Variants in PARP9 observed in about 807,000 individuals in gnomAD.
PARP9 encodes protein mono-ADP-ribosyltransferase PARP9.
In PARP9, 48 loss-of-function variants were observed where a neutral mutation model predicts 68.8. That is an observed-to-expected ratio of 0.70 (90% CI 0.55 to 0.89). The LOEUF (loss-of-function observed/expected upper bound fraction) is 0.89, where lower values mean the gene tolerates loss of function less well. Among genes scored for constraint, PARP9 ranks in the 40% least tolerant of loss-of-function variants. The pLI is 0.00. For synonymous variants in PARP9, 309 were observed against 333.8 expected (o/e 0.93, Z 0.81); for missense variants, 806 against 969.3 (o/e 0.83, Z 2.24).
chr3:122,536,503 A>C, intron 9 of PARP9, 161 bp from the exon 10 acceptor site: 1 of 1,273,464 alleles, frequency 7.9e-7, no homozygotes, highest in Non-Finnish European at 1.0e-6. Context: ...CCTCCCTCTA[A>C]TCCTCTCCTA....
At chr3:122,562,678 G>A (rs183342253) in intron 1 of PARP9, among the ~76,000 whole-genome samples, 5 of 152,210 alleles carry the variant, frequency 3.3e-5, no homozygotes, top group East Asian at 1.9e-4. Context: ...TTTTTTACAC[G>A]AAAGGTAGTA....
rs2077090850 is a variant in PARP9, at chr3:122,528,694, C to T, written c.2130G>A (p.Leu710=). 19 of 1,613,442 alleles carry T rather than the reference C, an allele frequency of 1.2e-5. No individual in the cohort carries two copies. The highest frequency in any genetic ancestry group is 1.6e-5 in the Non-Finnish European group (19 of 1,179,744). Residue 710 remains leucine, a synonymous_variant, in exon 11 of 11, where the codon CTG becomes CTA. Coordinates refer to ENST00000682323, the MANE Select transcript of PARP9 (RefSeq NM_001146105.2). The stretch of plus-strand genomic sequence containing the variant: ...CAGAGATTTTCTTGGCCTTCTCTGC[C>T]AGGTTTTTGAGGTTCTTGGTGAAGT... ...GIYFTKNLKN[L]AEKAKKISAA...
intron 1 of PARP9, among the ~76,000 whole-genome samples, chr3:122,562,550 A>G (rs1361014109): frequency 6.6e-6 from 1 of 152,190 alleles, no homozygotes; most frequent in African/African-American, 2.4e-5. Flanking sequence ...TATTGTTTGA[A>G]TAGGTATTAC....
Position 122,552,569 on chromosome 3 carries a change from T to G in PARP9, c.956A>C (p.Gln319Pro). The change falls in exon 5 of 11, where the codon CAA becomes CCA. Residue 319 changes from glutamine (Q) to proline (P), a missense_variant. Transcript: ENST00000682323. ...CGATTTCATTTCAACTCCTGCTTGT[T>G]GTAGAATTGACTTTGCCACAGGTCC... Reference protein sequence around the residue: ...TVGPVAKSILQQAGVEMKSEF... With the variant: ...TVGPVAKSILPQAGVEMKSEF... The G allele has an allele frequency of 1.2e-6, 2 of 1,614,122 alleles. No individual in the cohort carries two copies. Among genetic ancestry groups the G allele is most frequent in the Non-Finnish European group, 1.7e-6 (2 of 1,180,002 alleles).
intron 7 of PARP9, among the ~76,000 whole-genome samples, chr3:122,542,063 T>C (rs923395403): frequency 2.6e-5 from 4 of 152,198 alleles, no homozygotes; most frequent in African/African-American, 2.4e-5. Flanking sequence ...ATTGGAGGCA[T>C]ACTTTTTTTA....
chr3:122,543,565 C>T (rs890549214), intron 7 of PARP9, among the ~76,000 whole-genome samples: 3 of 152,158 alleles, frequency 2.0e-5, no homozygotes, highest in East Asian at 1.9e-4. Context: ...GCGTAAGCCA[C>T]GGTGCCCGGC....
Position 122,558,442 on chromosome 3 carries a change from T to G in PARP9, c.41A>C (p.Glu14Ala). ...SMVAGAAAYNEKSETGALGEN... is the reference protein window; with the variant it reads ...SMVAGAAAYNAKSETGALGEN... ...GAGCGAGGTAATCCTACCTGATTTTTCATTGTAAGCTGCTGCTCCGGCCAC... is the reference window on the plus strand; with the variant it reads ...GAGCGAGGTAATCCTACCTGATTTTGCATTGTAAGCTGCTGCTCCGGCCAC... Residue 14 changes from glutamate to alanine, a missense_variant, in exon 3 of 11, where the codon GAA (glutamate) becomes GCA (alanine). Physicochemically the swap from Glu to Ala is moderately radical, Grantham distance 107 (BLOSUM62 -1). This residue lies in a region of PARP9 where 126 missense variants were observed against 110.5 expected (regional missense o/e 1.14). Transcript: ENST00000682323. The G allele has an allele frequency of 1.2e-6, 2 of 1,614,144 alleles. No individual in the cohort carries two copies. Among genetic ancestry groups the G allele is most frequent in the South Asian group, 2.2e-5 (2 of 91,086 alleles).
chr3:122,544,855 C>T (rs1049344614), intron 7 of PARP9, among the ~76,000 whole-genome samples: 24 of 152,036 alleles, frequency 1.6e-4, no homozygotes, highest in African/African-American at 5.8e-4. Flanking sequence ...AGAAAATATG[C>T]TCGGCATCAA....
chr3:122,561,208 C>T (rs981569055), intron 1 of PARP9, among the ~76,000 whole-genome samples: 1 of 152,196 alleles, frequency 6.6e-6, no homozygotes, highest in Non-Finnish European at 1.5e-5. Flanking sequence ...CCTGTAACCA[C>T]AGCACTTTGG....
At chr3:122,558,531 C>A (rs370980280) in intron 2 of PARP9, 64 bp from the exon 3 acceptor site, 85 of 1,571,858 alleles carry the variant, frequency 5.4e-5, no homozygotes, top group Non-Finnish European at 7.0e-5. Context: ...TTACTGATAA[C>A]CAATACACCC....
chr3:122,554,269 T>G (rs1487134958), intron 4 of PARP9, among the ~76,000 whole-genome samples: 2 of 152,088 alleles, frequency 1.3e-5, no homozygotes, highest in African/African-American at 4.8e-5. Context: ...CATTCAAAAC[T>G]CATACCTTCT....
chr3:122,542,232 T>C (rs1026280003), intron 7 of PARP9, among the ~76,000 whole-genome samples: 1 of 147,866 alleles, frequency 6.8e-6, no homozygotes, highest in South Asian at 2.2e-4. Context: ...ACCCCTTTCT[T>C]CTCCTCCTCC....
At chr3:122,535,648 A>G in intron 10 of PARP9, 8 of 986,178 alleles carry the variant, frequency 8.1e-6, no homozygotes, top group Non-Finnish European at 9.6e-6. Context: ...TAGAACTCCT[A>G]TGGATGAAGA....
At chr3:122,564,430 G>A, upstream of PARP9, 1 of 1,608,790 alleles carries the variant, frequency 6.2e-7, no homozygotes, top group Non-Finnish European at 8.5e-7. Flanking sequence ...CAGAGCCATG[G>A]CCTCCCACCT....
At chr3:122,539,739 T>C (rs2078042804) in intron 8 of PARP9, among the ~76,000 whole-genome samples, 1 of 152,014 alleles carries the variant, frequency 6.6e-6, no homozygotes, top group South Asian at 2.1e-4. Flanking sequence ...TTTTTTTGTA[T>C]TTTTAGTAGA....
At chr3:122,551,445 C>A (rs903509411) in intron 5 of PARP9, among the ~76,000 whole-genome samples, 15 of 152,118 alleles carry the variant, frequency 9.9e-5, no homozygotes, top group African/African-American at 3.6e-4. Flanking sequence ...AAGTTTCCCT[C>A]TTTTCACCAT....
intron 7 of PARP9, among the ~76,000 whole-genome samples, chr3:122,543,738 A>C (rs1285897726): frequency 6.6e-6 from 1 of 152,078 alleles, no homozygotes; most frequent in East Asian, 1.9e-4. Flanking sequence ...CAGCCTCCCA[A>C]GTAGCTGGGA....
At chr3:122,564,718 T>A, upstream of PARP9, 1 of 1,369,100 alleles carries the variant, frequency 7.3e-7, no homozygotes. Context: ...CGGGAGAAAG[T>A]ATGTCACTGT....
At chr3:122,556,169 A>AAAAAAAAAAAAAC (rs2079642575) in intron 3 of PARP9, 48 bp from the exon 4 acceptor site, 2 of 1,126,604 alleles carry the variant, frequency 1.8e-6, no homozygotes, top group African/African-American at 1.7e-5. Flanking sequence ...AAAAAAAAAA[A>AAAAAAAAAAAAAC]AAAAGCACAG....
Sources: gnomAD v4.1 joint callset for allele counts (sites outside exome capture counted in the v4.1 genomes callset) on GRCh38, gnomAD v4.1.1 for gene constraint, gnomAD v4.1.1 regional missense constraint, MANE v1.5 for transcripts, NCBI Gene and HGNC (gene_info 2026-07-23, HGNC 2026-07-21) for gene names.